SVOP: variants seen among roughly 807,000 people sequenced by gnomAD.
The protein encoded by SVOP is SV2 related protein, also known as synaptic vesicle 2-related protein.
Under a neutral mutation model 69.1 loss-of-function variants are expected in SVOP, and 17 were observed. That is an observed-to-expected ratio of 0.25 (90% confidence interval 0.17 to 0.37). The LOEUF is 0.37. Among genes scored for constraint, SVOP ranks in the 10% least tolerant of loss-of-function variants. The pLI, the probability that SVOP is intolerant of heterozygous loss-of-function variation, is 1.00. For missense variants in SVOP, 435 were observed against 597.5 expected, an observed-to-expected ratio of 0.73 and a Z score of 2.84; for synonymous variants, 238 against 238.6, an observed-to-expected ratio of 1.00 and a Z score of 0.02.
chr12:108,934,709 G>A (rs2137401379), intron 10 of SVOP, among the ~76,000 whole-genome samples: 1 of 152,294 alleles, frequency 6.6e-6, no homozygotes, highest in African/African-American at 2.4e-5. Context: ...AACCAAGATG[G>A]CGATGAGAGT....
At chr12:109,005,864 G>A (rs2040304422) in intron 1 of SVOP, among the ~76,000 whole-genome samples, 1 of 152,138 alleles carries the variant, frequency 6.6e-6, no homozygotes, top group Non-Finnish European at 1.5e-5. Flanking sequence ...AGAGACAGCT[G>A]GGATCACACA....
At chr12:108,961,118 G>C in intron 5 of SVOP, 71 bp from the exon 6 acceptor site, 1 of 1,473,006 alleles carries the variant, frequency 6.8e-7, no homozygotes, top group East Asian at 2.5e-5. Context: ...ACCTCACTGA[G>C]AGCCGCCGAT....
At chr12:108,989,263 A>G (rs1470656972) in intron 1 of SVOP, among the ~76,000 whole-genome samples, 1 of 152,162 alleles carries the variant, frequency 6.6e-6, no homozygotes, top group Non-Finnish European at 1.5e-5. Context: ...TCGTAGAGAC[A>G]GGGGTCTCAT....
At chr12:109,002,968 T>TA (rs1318259003) in intron 1 of SVOP, among the ~76,000 whole-genome samples, 3 of 140,360 alleles carry the variant, frequency 2.1e-5, no homozygotes, top group African/African-American at 8.0e-5. Flanking sequence ...TAAAAAAAAT[T>TA]AAAAAATTAA....
At position 108,922,726 on chromosome 12, in the gene SVOP, T is replaced by C. The variant is rs1272712308; in HGVS notation, c.1120A>G (p.Met374Val). The stretch of plus-strand genomic sequence containing the variant: ...GAGAGGGTGGTCCACAGCAAGTCCA[T>C]GTAATCCTCCTCACTCAGGTACTCG... The part of the protein sequence containing the change: ...ACEYLSEEDY[M>V]DLLWTTLSEF... Residue 374 changes from methionine to valine, a missense_variant, in exon 12 of 16, where the codon ATG becomes GTG. Met to Val is a conservative substitution (Grantham distance 21). Coordinates refer to ENST00000610966, the MANE Select transcript of SVOP (RefSeq NM_018711.5). 6 of 1,611,436 alleles carry C rather than the reference T, an allele frequency of 3.7e-6. No homozygotes were observed. The highest frequency in any genetic ancestry group is 4.5e-5 in the East Asian group (2 of 44,836).
intron 8 of SVOP, 79 bp from the exon 9 acceptor site, chr12:108,939,034 G>T: frequency 6.3e-7 from 1 of 1,597,302 alleles, no homozygotes. Flanking sequence ...ACACAGTGTT[G>T]CATGTGGGGT....
At chr12:108,935,107 T>C (rs1045794724) in intron 10 of SVOP, among the ~76,000 whole-genome samples, 2 of 152,084 alleles carry the variant, frequency 1.3e-5, no homozygotes, top group African/African-American at 4.8e-5. Flanking sequence ...CAACTGGCAA[T>C]AGGGGAAAAA....
chr12:108,936,048 A>ACT (rs1183618648), intron 10 of SVOP, among the ~76,000 whole-genome samples: 2 of 151,890 alleles, frequency 1.3e-5, no homozygotes, highest in East Asian at 3.9e-4. Context: ...ACACACACAC[A>ACT]CACACATGTA....
At chr12:108,939,547 A>G (rs540427043) in intron 8 of SVOP, among the ~76,000 whole-genome samples, 83 of 152,372 alleles carry the variant, frequency 5.4e-4, no homozygotes, top group African/African-American at 1.9e-3. Context: ...AACAGCAGGT[A>G]TACTGGAGAA....
intron 6 of SVOP, among the ~76,000 whole-genome samples, chr12:108,950,404 G>C (rs1243271554): frequency 6.6e-6 from 1 of 151,320 alleles, no homozygotes; most frequent in African/African-American, 2.4e-5. Context: ...TTTCTTTTGA[G>C]ACAGCGTCTC....
Position 108,953,208 on chromosome 12 carries a change from G to A in SVOP, c.578+7715C>T, listed in dbSNP as rs2039967148. 2.8e-5 allele frequency among the ~76,000 whole-genome samples: 4 copies of A among 145,078 alleles called. No homozygotes were observed. In the Admixed American group the frequency reaches 3.1e-4, roughly 11 times the overall value. On this transcript the variant is annotated intron_variant, in intron 6 of 15. Transcript: ENST00000610966. ...TTGTTGGCCAGGCTGGAGTGCAATG[G>A]CATGAACTCGGCTCACTGCAACCTC...
intron 4 of SVOP, among the ~76,000 whole-genome samples, chr12:108,976,062 C>T (rs1174432420): frequency 1.3e-5 from 2 of 152,112 alleles, no homozygotes; most frequent in African/African-American, 4.8e-5. Flanking sequence ...GTATCATGGA[C>T]TCAGCCCCTG....
chr12:108,953,494 T>C (rs2137416780), intron 6 of SVOP, among the ~76,000 whole-genome samples: 1 of 152,350 alleles, frequency 6.6e-6, no homozygotes. Flanking sequence ...CAAGGACTTC[T>C]GGTTGTTGAG....
At chr12:108,997,306 T>C (rs1274222412) in intron 1 of SVOP, among the ~76,000 whole-genome samples, 1 of 150,626 alleles carries the variant, frequency 6.6e-6, no homozygotes, top group Non-Finnish European at 1.5e-5. Context: ...GCTCGGAGGG[T>C]CCTACGCCCA....
At chr12:108,985,117 C>T (rs1213834596) in intron 1 of SVOP, among the ~76,000 whole-genome samples, 5 of 151,882 alleles carry the variant, frequency 3.3e-5, no homozygotes, top group African/African-American at 1.2e-4. Flanking sequence ...GTCCCAGCTA[C>T]TTGGGAGGCT....
chr12:108,977,185 C>T (rs950957258), intron 4 of SVOP, among the ~76,000 whole-genome samples: 2 of 152,182 alleles, frequency 1.3e-5, no homozygotes, highest in African/African-American at 4.8e-5. Flanking sequence ...GAATAGGATG[C>T]CTGGGACACC....
At chr12:109,016,922 T>A (rs573283530) in intron 1 of SVOP, among the ~76,000 whole-genome samples, 4 of 151,926 alleles carry the variant, frequency 2.6e-5, no homozygotes, top group East Asian at 1.9e-4. Context: ...AAGAAAAAAA[T>A]TTTTTTAGTA....
Position 108,912,152 on chromosome 12 carries a change from T to C in SVOP, c.*383A>G, listed in dbSNP as rs2039687851. ...CGGTGGGTGGACAGCAGGTGTCACA[T>C]GGGCCTGAGCCTGGACGGTATCTAC... On this transcript the variant is annotated 3_prime_UTR_variant, in exon 16 of 16. Transcript: ENST00000610966. 1.9e-6 allele frequency: 2 copies of C among 1,049,296 alleles called. No homozygotes were observed. Among genetic ancestry groups the C allele is most frequent in the East Asian group, 1.6e-4 (2 of 12,272 alleles). 65.0% of individuals were successfully genotyped at this position (1,049,296 alleles called of 1,614,324 possible). A position where few individuals can be genotyped will look rare whatever the true frequency, so the allele number is the denominator to read the frequency against.
intron 1 of SVOP, among the ~76,000 whole-genome samples, chr12:108,991,669 T>G (rs926905021): frequency 2.0e-5 from 3 of 150,994 alleles, no homozygotes; most frequent in Non-Finnish European, 4.4e-5. Flanking sequence ...TTGGCCAGGC[T>G]GGTCTCAAAC....
Sources: gnomAD v4.1 joint callset for allele counts (sites outside exome capture counted in the v4.1 genomes callset) on GRCh38, gnomAD v4.1.1 for gene constraint, MANE v1.5 for transcripts, NCBI Gene and HGNC (gene_info 2026-07-23, HGNC 2026-07-21) for gene names.